The following IL13RA1 variants were observed in gnomAD, a reference collection of about 807,000 sequenced individuals.
IL13RA1 encodes interleukin 13 receptor subunit alpha 1.
Under a neutral mutation model 33.8 loss-of-function variants are expected in IL13RA1, and 14 were observed. The observed-to-expected ratio is 0.41, with a 90% CI of 0.27 to 0.65. The LOEUF (loss-of-function observed/expected upper bound fraction) is 0.65, where lower values mean the gene tolerates loss of function less well. Ranked by LOEUF, IL13RA1 falls within the 30% of genes least tolerant of loss-of-function variation. IL13RA1 has a pLI of 0.28. For missense variants in IL13RA1, 313 were observed against 327.0 expected, an observed-to-expected ratio of 0.96 and a Z score of 0.33; for synonymous variants, 116 against 115.7, an observed-to-expected ratio of 1.00 and a Z score of -0.02.
intron 1 of IL13RA1, among the ~76,000 whole-genome samples, chrX:118,731,889 G>A (rs2017225100): frequency 8.9e-6 from 1 of 111,951 alleles, no homozygotes; most frequent in Non-Finnish European, 1.9e-5. Flanking sequence ...AGTTATACAC[G>A]AAGAGCTGTT....
chrX:118,798,570 G>A (rs1026518043), downstream of IL13RA1, among the ~76,000 whole-genome samples: 18 of 111,747 alleles, frequency 1.6e-4, no homozygotes, highest in African/African-American at 5.2e-4. Flanking sequence ...TGTTCTCTAG[G>A]CCGAGCACCT....
At chrX:118,788,658 T>G (rs749169672) in intron 10 of IL13RA1, among the ~76,000 whole-genome samples, 3 of 111,975 alleles carry the variant, frequency 2.7e-5, no homozygotes, top group South Asian at 3.7e-4. Context: ...CTAAATAATA[T>G]TCCATTGTGT....
chrX:118,781,096 T>G (rs1299489983), intron 10 of IL13RA1, among the ~76,000 whole-genome samples: 1 of 111,011 alleles, frequency 9.0e-6, no homozygotes, highest in Non-Finnish European at 1.9e-5. Context: ...CTTTGCTATT[T>G]GCCTTTTCCT....
chrX:118,748,090 T>C (rs900598291), intron 3 of IL13RA1, among the ~76,000 whole-genome samples: 2 of 102,047 alleles, frequency 2.0e-5, no homozygotes, highest in Admixed American at 2.3e-4. Context: ...ATATATAATA[T>C]ATATTATATA....
intron 9 of IL13RA1, among the ~76,000 whole-genome samples, chrX:118,776,141 G>T (rs2017778705): frequency 8.9e-6 from 1 of 111,881 alleles, no homozygotes; most frequent in Admixed American, 9.5e-5. Context: ...GCGCCCATCT[G>T]GTCTGTTAAA....
intron 8 of IL13RA1, among the ~76,000 whole-genome samples, chrX:118,771,413 A>G (rs976758118): frequency 8.9e-6 from 1 of 112,455 alleles, no homozygotes; most frequent in African/African-American, 3.2e-5. Flanking sequence ...ATGAGGAGGC[A>G]CCAACCCCAG....
chrX:118,749,220 G>GT (rs1249269323), intron 3 of IL13RA1, among the ~76,000 whole-genome samples: 1 of 112,158 alleles, frequency 8.9e-6, no homozygotes, highest in African/African-American at 3.2e-5. Context: ...CTGGCTGAAT[G>GT]TTTATTTTTT....
downstream of IL13RA1, among the ~76,000 whole-genome samples, chrX:118,795,227 A>AAAAAAAAAAAAAAAAAAAAAAAAAAAAG (rs200347606): frequency 8.4e-5 from 8 of 95,002 alleles, 1 homozygote; most frequent in African/African-American, 3.8e-4. Flanking sequence ...AAAAAAAAAA[A>AAAAAAAAAAAAAAAAAAAAAAAAAAAAG]AAAGAAAAAG....
downstream of IL13RA1, among the ~76,000 whole-genome samples, chrX:118,798,221 T>A (rs7061168): frequency 0.011 from 1,275 of 111,821 alleles, 29 homozygotes; most frequent in African/African-American, 0.038. Context: ...GTTAAAATAG[T>A]CAATATTTGC....
the IL13RA1 span, among the ~76,000 whole-genome samples, chrX:118,802,274 C>T: frequency 8.9e-6 from 1 of 112,295 alleles, no homozygotes; most frequent in Non-Finnish European, 1.9e-5. Context: ...TGCCTGCCCA[C>T]TTAGGGCCCC....
Position 118,792,016 on chromosome X carries a change from A to G in IL13RA1, c.*162A>G, listed in dbSNP as rs975432822. 8 of 323,941 alleles carry G rather than the reference A, an allele frequency of 2.5e-5. No homozygotes were observed. Among genetic ancestry groups the G allele is most frequent in the African/African-American group, 1.9e-4 (7 of 36,835 alleles). 26.7% of individuals were successfully genotyped at this position (323,941 alleles called of 1,213,427 possible). ...GTCTTTATGTTGAGTCGCGCACCGA[A>G]AAACTAAAAATAATGGGCGCTTTGG... On this transcript the variant is annotated 3_prime_UTR_variant, in exon 11 of 11. Transcript: ENST00000371666.
intron 10 of IL13RA1, among the ~76,000 whole-genome samples, chrX:118,787,775 T>C (rs191230855): frequency 2.5e-4 from 28 of 112,220 alleles, no homozygotes; most frequent in African/African-American, 7.8e-4. Context: ...AAGAGAAATA[T>C]GACTGTCCTG....
chrX:118,763,271 G>A (rs1256626076), intron 6 of IL13RA1, among the ~76,000 whole-genome samples: 1 of 112,743 alleles, frequency 8.9e-6, no homozygotes, highest in Non-Finnish European at 1.9e-5. Context: ...CTACTAAATA[G>A]CAGCTAACCT....
chrX:118,800,546 A>G, the IL13RA1 span, among the ~76,000 whole-genome samples: 1 of 110,741 alleles, frequency 9.0e-6, no homozygotes, highest in African/African-American at 3.3e-5. Flanking sequence ...ACACATCTGA[A>G]CATCAGAAGG....
intron 10 of IL13RA1, among the ~76,000 whole-genome samples, chrX:118,788,629 A>G (rs1269099440): frequency 1.8e-5 from 2 of 111,832 alleles, no homozygotes; most frequent in Non-Finnish European, 3.8e-5. Flanking sequence ...CTGGTCCCCT[A>G]TAATATAGTT....
At chrX:118,778,143 A>T (rs138800897) in intron 10 of IL13RA1, among the ~76,000 whole-genome samples, 34 of 112,292 alleles carry the variant, frequency 3.0e-4, no homozygotes, top group Non-Finnish European at 6.0e-4. Flanking sequence ...GGTACCTTGT[A>T]AGTGCTTAAT....
chrX:118,799,397 C>T (rs1316529994), downstream of IL13RA1, among the ~76,000 whole-genome samples: 1 of 113,345 alleles, frequency 8.8e-6, no homozygotes, highest in Non-Finnish European at 1.9e-5. Flanking sequence ...GCGGGATCCA[C>T]GAGGTGAAGC....
downstream of IL13RA1, among the ~76,000 whole-genome samples, chrX:118,798,547 A>G (rs1411500638): frequency 3.6e-5 from 4 of 111,621 alleles, no homozygotes; most frequent in Non-Finnish European, 7.5e-5. Context: ...CTCCTGATCC[A>G]TCCTGAAATG....
At chrX:118,767,270 G>C (rs138763233) in intron 8 of IL13RA1, among the ~76,000 whole-genome samples, 7 of 112,080 alleles carry the variant, frequency 6.2e-5, no homozygotes, top group African/African-American at 1.9e-4. Flanking sequence ...GCTGCACACA[G>C]TGACTCACGC....
Sources: allele counts gnomAD v4.1 joint callset (sites outside exome capture counted in the v4.1 genomes callset), GRCh38; gene constraint gnomAD v4.1.1; transcripts MANE v1.5; gene names NCBI Gene and HGNC (gene_info 2026-07-23, HGNC 2026-07-21).